The following IL9R variants were observed in gnomAD, a reference collection of about 807,000 sequenced individuals.
IL9R encodes the protein interleukin 9 receptor, also known as interleukin-9 receptor.
Under a neutral mutation model 56.3 loss-of-function variants are expected in IL9R, and 54 were observed. That is an observed-to-expected ratio of 0.96 (90% CI 0.77 to 1.20). IL9R has a LOEUF of 1.20. Among genes scored for constraint, IL9R ranks in the 50% most tolerant of loss-of-function variants. The pLI, the probability that IL9R is intolerant of heterozygous loss-of-function variation, is 0.00. For missense variants in IL9R, 545 were observed against 629.8 expected, an observed-to-expected ratio of 0.87 and a Z score of 1.44; for synonymous variants, 212 against 250.2, an observed-to-expected ratio of 0.85 and a Z score of 1.44.
rs2067858358 is a variant in IL9R, at chrX:156,005,415, G to A, written c.717G>A (p.Glu239=). 6.2e-7 allele frequency: 1 copy of A among 1,613,184 alleles called. No homozygotes were observed. The highest frequency in any genetic ancestry group is 1.8e-4 in the Middle Eastern group (1 of 5,494). ...TGGAGGATGATGTGGTAGAGGAGGA[G>A]CGTTATACAGGCCAGTGGAGTGAGT... ...ATLEDDVVEE[E]RYTGQWSEWS... Residue 239 remains glutamate (E), a synonymous_variant, in exon 6 of 9, where the codon GAG becomes GAA. Coordinates refer to ENST00000244174, the MANE Select transcript of IL9R (RefSeq NM_002186.3).
intron 5 of IL9R, 82 bp from the exon 6 acceptor site, chrX:156,005,196 C>A: frequency 1.9e-6 from 2 of 1,047,256 alleles, no homozygotes; most frequent in South Asian, 1.3e-5. Flanking sequence ...GTTATATGAG[C>A]ATATAATGCA....
chrX:156,004,646 A>T, intron 5 of IL9R, 81 bp downstream of exon 5: 2 of 1,399,126 alleles, frequency 1.4e-6, no homozygotes, highest in Non-Finnish European at 2.0e-6. Flanking sequence ...CTACATAGGG[A>T]GATGTCAACT....
rs2067527234 is a variant in IL9R at position 156,001,575 on chromosome X, A to T, written c.29-1331A>T. The T allele has an allele frequency of 1.4e-4, 145 of 1,066,856 alleles. No homozygotes were observed. The South Asian group carries it at 1.7e-3, about 13-fold the overall frequency. The allele number at this position is 1,066,856 out of a possible 1,614,324, so 66.1% of individuals were successfully genotyped here. On this transcript the variant is annotated intron_variant, in intron 1 of 8. Transcript: ENST00000244174. ...ATGGGTACCTGTATACGCTGCCGGG[A>T]GTGGGGCAGAGTGGGGTTAGAGTAG...
chrX:156,004,023 G>C (rs899318860), intron 4 of IL9R, among the ~76,000 whole-genome samples, 168 bp downstream of exon 4: 1 of 152,156 alleles, frequency 6.6e-6, no homozygotes, highest in Admixed American at 6.5e-5. Context: ...GGAGGGGAGG[G>C]CCCATATGGT....
intron 1 of IL9R, among the ~76,000 whole-genome samples, chrX:156,000,166 A>T (rs2067425219): frequency 6.6e-6 from 1 of 150,800 alleles, no homozygotes; most frequent in African/African-American, 2.4e-5. Context: ...ATATACACAC[A>T]TATATATATG....
In IL9R at chrX:156,010,054, C is replaced by G. The variant is rs764674618; in HGVS notation, c.1211C>G (p.Thr404Arg). 1.3e-6 allele frequency: 2 copies of G among 1,553,880 alleles called. No homozygotes were observed. The highest frequency in any genetic ancestry group is 2.3e-5 in the South Asian group (2 of 87,826). ...PAGCTEWRVQ[T>R]LAYLPQEDWA... ...GGGTGTACGGAGTGGAGGGTACAGA[C>G]GCTTGCCTATCTGCCACAGGAGGAC... The change falls in exon 9 of 9, where the codon ACG becomes AGG. Residue 404 changes from threonine to arginine, a missense_variant. Transcript: ENST00000244174.
At chrX:156,003,334 A>T in intron 2 of IL9R, 115 bp from the exon 3 acceptor site, 1 of 772,684 alleles carries the variant, frequency 1.3e-6, no homozygotes, top group Non-Finnish European at 2.3e-6. Flanking sequence ...AGATTCTGGG[A>T]TCATTTACTG....
chrX:156,009,355 G>A (rs1464755217), intron 8 of IL9R, among the ~76,000 whole-genome samples: 2 of 148,512 alleles, frequency 1.3e-5, no homozygotes, highest in African/African-American at 2.6e-5. Flanking sequence ...TGTGTCTCGT[G>A]TGTGTGTGTC....
At chrX:156,004,668 G>A (rs1348529345) in intron 5 of IL9R, 103 bp downstream of exon 5, 4 of 1,194,390 alleles carry the variant, frequency 3.3e-6, no homozygotes, top group South Asian at 1.3e-5. Flanking sequence ...GTAGTGATGA[G>A]AAGGGAGGAA....
chrX:156,002,872 A>AT, intron 1 of IL9R, 34 bp from the exon 2 acceptor site: 1 of 1,613,158 alleles, frequency 6.2e-7, no homozygotes, highest in Non-Finnish European at 8.5e-7. Context: ...GAGAGGGATG[A>AT]TTTGCACAGG....
At position 156,004,433 on chromosome X, in the gene IL9R, G is replaced by C. The variant is rs140935809; in HGVS notation, c.447G>C (p.Pro149=). ...ACTCTGTTCCAGTTAAGCTGGACCC[G>C]CCCTCTGACTTGCAGAGCAACATCA... ...YLPRRHVKLD[P]PSDLQSNISS... is the part of the protein sequence containing the mutation. Residue 149 remains proline, a synonymous_variant, in exon 5 of 9, where the codon CCG becomes CCC. Coordinates refer to ENST00000244174, the MANE Select transcript of IL9R (RefSeq NM_002186.3). 8.7e-6 allele frequency: 14 copies of C among 1,613,708 alleles called. No homozygotes were observed. Among genetic ancestry groups the C allele is most frequent in the South Asian group, 1.1e-5 (1 of 91,050 alleles).
intron 8 of IL9R, among the ~76,000 whole-genome samples, chrX:156,009,288 G>A (rs2068304207): frequency 6.8e-6 from 1 of 147,682 alleles, no homozygotes; most frequent in South Asian, 2.1e-4. Context: ...GTCTGTGTGT[G>A]TGTGTGTTTA....
chrX:156,006,174 C>T lies in IL9R; in HGVS notation c.873C>T (p.Phe291=), dbSNP rs1290669761. The change falls in exon 7 of 9, where the codon TTC becomes TTT. Residue 291 remains phenylalanine, a synonymous_variant. Transcript: ENST00000244174. ...LLLTGPTYLL[F]KLSPRVKRIF... ...TGACTGGCCCGACCTACCTCCTGTT[C>T]AAGCTGTCGCCCAGGTAGGTGGCTG... The T allele has an allele frequency of 3.7e-6, 5 of 1,354,270 alleles. No individual in the cohort carries two copies. Among genetic ancestry groups the T allele is most frequent in the Non-Finnish European group, 4.2e-6 (4 of 947,938 alleles). The allele number at this position is 1,354,270 out of a possible 1,614,324, so 83.9% of individuals were successfully genotyped here.
chrX:156,006,697 C>T (rs1393181560), intron 7 of IL9R, among the ~76,000 whole-genome samples: 2 of 151,988 alleles, frequency 1.3e-5, no homozygotes, highest in Non-Finnish European at 2.9e-5. Flanking sequence ...GGTGCAGGGG[C>T]CATGTCAGGC....
chrX:156,000,145 A>AAAAATATAT (rs780163667), intron 1 of IL9R, among the ~76,000 whole-genome samples: 20 of 144,276 alleles, frequency 1.4e-4, no homozygotes, highest in African/African-American at 5.0e-4. Context: ...AAAAAAAAAA[A>AAAAATATAT]ATATATATAT....
At chrX:156,004,038 G>A (rs1296962719) in intron 4 of IL9R, among the ~76,000 whole-genome samples, 183 bp downstream of exon 4, 4 of 152,192 alleles carry the variant, frequency 2.6e-5, no homozygotes, top group Non-Finnish European at 5.9e-5. Context: ...TATGGTTACT[G>A]CAGGGGCAGG....
intron 8 of IL9R, among the ~76,000 whole-genome samples, chrX:156,009,191 CTGTG>C (rs1218968764): frequency 1.3e-4 from 17 of 129,450 alleles, no homozygotes; most frequent in African/African-American, 3.7e-4. Flanking sequence ...GTCTGTGTGT[CTGTG>C]TGTGTATGTG....
intron 8 of IL9R, among the ~76,000 whole-genome samples, chrX:156,009,337 TGTGTGTGTGTGTCTC>T (rs1307631825): frequency 7.5e-6 from 1 of 132,628 alleles, no homozygotes; most frequent in Non-Finnish European, 1.6e-5. Context: ...TGTGTGTGTT[TGTGTGTGTGTGTCTC>T]GTGTGTGTGT....
chrX:156,005,587 G>A (rs909168690), intron 6 of IL9R, 108 bp downstream of exon 6: 40 of 930,598 alleles, frequency 4.3e-5, no homozygotes, highest in African/African-American at 4.9e-5. Context: ...GCCCCTCCCC[G>A]AGGCAGCCAT....
Sources: gnomAD v4.1 joint callset for allele counts (sites outside exome capture counted in the v4.1 genomes callset) on GRCh38, gnomAD v4.1.1 for gene constraint, MANE v1.5 for transcripts, NCBI Gene and HGNC (gene_info 2026-07-23, HGNC 2026-07-21) for gene names.